The following SGCZ variants were observed in gnomAD, a reference collection of about 807,000 sequenced individuals.
The protein encoded by SGCZ is zeta-sarcoglycan.
In SGCZ, 40 loss-of-function variants were observed where a neutral mutation model predicts 41.3. The observed-to-expected ratio is 0.97, with a 90% CI of 0.75 to 1.26. SGCZ has a LOEUF of 1.26. Ranked by LOEUF, SGCZ falls within the 50% of genes most tolerant of loss-of-function variation. SGCZ has a pLI of 0.00. For synonymous variants in SGCZ, 206 were observed against 137.5 expected, an observed-to-expected ratio of 1.50 and a Z score of -3.49; for missense variants, 552 against 369.8, an observed-to-expected ratio of 1.49 and a Z score of -4.04.
intron 1 of SGCZ, among the ~76,000 whole-genome samples, chr8:14,956,365 T>A (rs1408227950): frequency 6.6e-6 from 1 of 152,108 alleles, no homozygotes; most frequent in African/African-American, 2.4e-5. Flanking sequence ...AAAGTCCCAA[T>A]ATCAGTTTTT....
At chr8:15,067,737 C>G (rs540678739) in intron 1 of SGCZ, among the ~76,000 whole-genome samples, 1 of 152,272 alleles carries the variant, frequency 6.6e-6, no homozygotes, top group South Asian at 2.1e-4. Flanking sequence ...CTATAAATAT[C>G]TATTAGCTGC....
intron 1 of SGCZ, among the ~76,000 whole-genome samples, chr8:14,987,675 C>T (rs1480692): frequency 0.066 from 10,102 of 151,930 alleles, 794 homozygotes; most frequent in African/African-American, 0.19. Flanking sequence ...TGATCCTGGG[C>T]ATCTTTACTG....
chr8:14,105,034 C>G (rs1416294237), intron 6 of SGCZ, among the ~76,000 whole-genome samples: 2 of 152,034 alleles, frequency 1.3e-5, no homozygotes, highest in African/African-American at 2.4e-5. Context: ...AGTAACTTAA[C>G]TATATATTAA....
chr8:15,080,549 A>C (rs1296723229), intron 1 of SGCZ, among the ~76,000 whole-genome samples: 1 of 152,052 alleles, frequency 6.6e-6, no homozygotes, highest in Admixed American at 6.6e-5. Context: ...AGGTAATTAA[A>C]AGGTCATTAG....
chr8:14,167,537 C>A (rs1456622353), intron 4 of SGCZ, among the ~76,000 whole-genome samples: 3 of 150,760 alleles, frequency 2.0e-5, no homozygotes, highest in African/African-American at 7.3e-5. Flanking sequence ...AAGTTTATGT[C>A]AATAAACTCA....
rs1199932673 is a variant in SGCZ, at chr8:15,133,289, T to G, written c.39+104296A>C. Among the ~76,000 whole-genome samples, 8 of 152,206 alleles carry G rather than the reference T, an allele frequency of 5.3e-5. No homozygotes were observed. In the East Asian group the frequency reaches 1.5e-3, roughly 29 times the overall value. On this transcript the variant is annotated intron_variant, in intron 1 of 7. Transcript: ENST00000382080. ...TTTGATAAACTCTTCTTCTTAGAGT[T>G]ATAAATGTAACACAAGTATTAGCCA...
intron 3 of SGCZ, among the ~76,000 whole-genome samples, chr8:14,269,914 A>C (rs2117260005): frequency 6.6e-6 from 1 of 152,320 alleles, no homozygotes; most frequent in East Asian, 1.9e-4. Context: ...TTTATAATTT[A>C]ACAAGTCTTT....
intron 4 of SGCZ, among the ~76,000 whole-genome samples, chr8:14,183,019 A>G (rs1219232258): frequency 3.9e-5 from 6 of 151,938 alleles, no homozygotes; most frequent in Admixed American, 2.6e-4. Context: ...CTCAAAAAAA[A>G]AAAAAAAAAA....
At chr8:14,189,438 C>T (rs1297892258) in intron 4 of SGCZ, among the ~76,000 whole-genome samples, 1 of 152,198 alleles carries the variant, frequency 6.6e-6, no homozygotes, top group East Asian at 1.9e-4. Context: ...CAGTACTCAT[C>T]TCAATCTCTG....
chr8:14,799,139 A>T (rs1332851322), intron 1 of SGCZ, among the ~76,000 whole-genome samples: 1 of 152,100 alleles, frequency 6.6e-6, no homozygotes, highest in Non-Finnish European at 1.5e-5. Flanking sequence ...TTGGAAGAAA[A>T]CTAATAATGG....
Position 15,106,395 on chromosome 8 carries a change from C to T in SGCZ, c.39+131190G>A, listed in dbSNP as rs561463384. ...TATTTCTACATATGAACAAATGAGC[C>T]TTTTCATTGATTCAAATCTCATTCA... On this transcript the variant is annotated intron_variant, in intron 1 of 7. Coordinates refer to ENST00000382080, the MANE Select transcript of SGCZ (RefSeq NM_139167.4). 1.5e-4 allele frequency among the ~76,000 whole-genome samples: 23 copies of T among 152,054 alleles called. 1 individual carries two copies. In the South Asian group the frequency reaches 2.3e-3, roughly 15 times the overall value.
intron 3 of SGCZ, 115 bp downstream of exon 3, chr8:14,323,988 G>C (rs1802011252): frequency 3.1e-6 from 2 of 643,744 alleles, no homozygotes; most frequent in Non-Finnish European, 5.3e-6. Context: ...TAGGTGTTTA[G>C]CTTAAGGAAA....
At chr8:15,060,335 A>G (rs1294225236) in intron 1 of SGCZ, among the ~76,000 whole-genome samples, 1 of 152,068 alleles carries the variant, frequency 6.6e-6, no homozygotes, top group Non-Finnish European at 1.5e-5. Flanking sequence ...AATACTATGC[A>G]GCCATAAAAA....
At chr8:15,198,396 A>T (rs888883867) in intron 1 of SGCZ, among the ~76,000 whole-genome samples, 3 of 152,010 alleles carry the variant, frequency 2.0e-5, no homozygotes, top group Non-Finnish European at 4.4e-5. Flanking sequence ...TAAATTTCAC[A>T]GGGCCTTTAG....
At chr8:15,060,021 C>T (rs1240205290) in intron 1 of SGCZ, among the ~76,000 whole-genome samples, 7 of 152,168 alleles carry the variant, frequency 4.6e-5, no homozygotes, top group African/African-American at 1.4e-4. Context: ...CTAGGCCATT[C>T]TCAGGGCTTT....
At chr8:14,353,422 A>G (rs951292008) in intron 2 of SGCZ, among the ~76,000 whole-genome samples, 3 of 152,028 alleles carry the variant, frequency 2.0e-5, no homozygotes, top group Non-Finnish European at 4.4e-5. Context: ...TTCTACTCAC[A>G]TAACTCTTTA....
intron 2 of SGCZ, among the ~76,000 whole-genome samples, chr8:14,451,126 C>T (rs917289688): frequency 2.6e-5 from 4 of 152,146 alleles, no homozygotes; most frequent in African/African-American, 9.7e-5. Flanking sequence ...ACGTTAAAAG[C>T]AGGGTTTCCT....
At chr8:15,218,573 G>A (rs1295576157) in intron 1 of SGCZ, among the ~76,000 whole-genome samples, 1 of 152,140 alleles carries the variant, frequency 6.6e-6, no homozygotes, top group African/African-American at 2.4e-5. Flanking sequence ...TCTCATCCCA[G>A]GACAGATTTT....
At chr8:14,180,734 C>T (rs964977179) in intron 4 of SGCZ, among the ~76,000 whole-genome samples, 1 of 151,966 alleles carries the variant, frequency 6.6e-6, no homozygotes, top group African/African-American at 2.4e-5. Flanking sequence ...CCTGACAAAC[C>T]CTCAGGGTTA....
Sources: allele counts gnomAD v4.1 joint callset (sites outside exome capture counted in the v4.1 genomes callset), GRCh38; gene constraint gnomAD v4.1.1; transcripts MANE v1.5; gene names NCBI Gene and HGNC (gene_info 2026-07-23, HGNC 2026-07-21).